ACER3: variants seen among roughly 807,000 people sequenced by gnomAD.
ACER3 encodes the protein alkaline ceramidase 3, also known as alkCDase 3.
A neutral mutation model predicts 48.9 loss-of-function variants in ACER3; 16 were observed. The observed-to-expected ratio is 0.33, with a 90% CI of 0.22 to 0.50. The LOEUF (loss-of-function observed/expected upper bound fraction) is 0.50. Among genes scored for constraint, ACER3 ranks in the 20% least tolerant of loss-of-function variants. ACER3 has a pLI of 0.98. For missense variants in ACER3, 227 were observed against 326.0 expected, an observed-to-expected ratio of 0.70 and a Z score of 2.34; for synonymous variants, 109 against 107.8, an observed-to-expected ratio of 1.01 and a Z score of -0.07.
At chr11:76,940,016 A>G (rs1210088798) in intron 2 of ACER3, among the ~76,000 whole-genome samples, 1 of 152,244 alleles carries the variant, frequency 6.6e-6, no homozygotes, top group Non-Finnish European at 1.5e-5. Context: ...TAATATGATC[A>G]TGTAAGAGAA....
At chr11:76,946,612 C>G (rs1219914019) in intron 2 of ACER3, among the ~76,000 whole-genome samples, 5 of 152,134 alleles carry the variant, frequency 3.3e-5, no homozygotes, top group African/African-American at 1.2e-4. Flanking sequence ...GAGTGTGGTC[C>G]ACCTGCATCT....
At chr11:76,968,684 A>G (rs1231708264) in intron 3 of ACER3, among the ~76,000 whole-genome samples, 1 of 152,182 alleles carries the variant, frequency 6.6e-6, no homozygotes, top group Non-Finnish European at 1.5e-5. Flanking sequence ...GAAAAACAAG[A>G]AATGGGGAAA....
At chr11:76,986,604 T>G (rs1388261613) in intron 5 of ACER3, among the ~76,000 whole-genome samples, 3 of 152,222 alleles carry the variant, frequency 2.0e-5, no homozygotes, top group African/African-American at 7.2e-5. Context: ...GTACTTTACC[T>G]TCATTGTCTC....
rs900429367 is a variant in ACER3 at position 77,026,472 on chromosome 11, A to G, written c.*6145A>G. On this transcript the variant is annotated 3_prime_UTR_variant, in exon 11 of 11. Coordinates refer to ENST00000532485, the MANE Select transcript of ACER3 (RefSeq NM_018367.7). ...CCTTTCCATACTTGTAATATTTCTG[A>G]GTCACTTATTAATGTGACCAACAGA... is the stretch of plus-strand genomic sequence containing the variant. The G allele has an allele frequency of 2.0e-5, 3 of 152,196 alleles. No individual in the cohort carries two copies. Among genetic ancestry groups the G allele is most frequent in the African/African-American group, 7.2e-5 (3 of 41,452 alleles). The allele number at this position is 152,196 out of a possible 1,614,324, so 9.4% of individuals were successfully genotyped here.
chr11:76,874,625 T>A (rs1945323764), intron 1 of ACER3, among the ~76,000 whole-genome samples: 1 of 152,196 alleles, frequency 6.6e-6, no homozygotes, highest in Non-Finnish European at 1.5e-5. Flanking sequence ...AATGGCCTCA[T>A]CCAATCATTT....
chr11:76,909,082 A>T (rs966616088), intron 1 of ACER3, among the ~76,000 whole-genome samples: 3 of 152,232 alleles, frequency 2.0e-5, no homozygotes, highest in African/African-American at 7.2e-5. Flanking sequence ...CAGAAAACTG[A>T]AACTGGACCC....
intron 3 of ACER3, among the ~76,000 whole-genome samples, chr11:76,964,933 A>G (rs1948098933): frequency 6.6e-6 from 1 of 151,370 alleles, no homozygotes; most frequent in Non-Finnish European, 1.5e-5. Context: ...GCAGCTCCTC[A>G]CCAGCAATGG....
chr11:76,864,293 A>G (rs1296093634), intron 1 of ACER3, among the ~76,000 whole-genome samples: 1 of 152,238 alleles, frequency 6.6e-6, no homozygotes, highest in Non-Finnish European at 1.5e-5. Flanking sequence ...CTTGCTTTGC[A>G]TCATAGTGTG....
At chr11:76,876,922 A>G (rs1945397783) in intron 1 of ACER3, among the ~76,000 whole-genome samples, 1 of 152,118 alleles carries the variant, frequency 6.6e-6, no homozygotes, top group Non-Finnish European at 1.5e-5. Context: ...AAAATCATGA[A>G]GTTTGTGATG....
chr11:76,975,874 C>CTTTTTT lies in ACER3; in HGVS notation c.268-397_268-392dup, dbSNP rs34786738. 1.8e-3 allele frequency among the ~76,000 whole-genome samples: 146 copies of CTTTTTT among 82,700 alleles called. 1 individual carries two copies. The highest frequency in any genetic ancestry group is 5.7e-3 in the African/African-American group (128 of 22,400). 54.3% of individuals were successfully genotyped at this position (82,700 alleles called of 152,430 possible). A position where few individuals can be genotyped will look rare whatever the true frequency, so the allele number is the denominator to read the frequency against. ...AAGAGCTGAAACCTTTTTTTCTTTT[C>CTTTTTT]TTTTTTTTTTTTTTTTTTTTTTTGA... is the stretch of plus-strand genomic sequence containing the variant. On this transcript the variant is annotated intron_variant, in intron 3 of 10. Transcript: ENST00000532485.
At chr11:76,994,121 T>C (rs1948862522) in intron 6 of ACER3, 1 of 441,414 alleles carries the variant, frequency 2.3e-6, no homozygotes, top group African/African-American at 2.2e-5. Flanking sequence ...AACTATATTG[T>C]AGGGATTAAA....
rs561047021 is a variant in ACER3 at position 76,994,319 on chromosome 11, G to A, written c.438+3745G>A. On this transcript the variant is annotated intron_variant, in intron 6 of 10. Transcript: ENST00000532485. ...TAATTTTTGTATTTTTAGTAGAAACGGGGTATCGCCATGTTGGCCAGGCTG... is the reference window on the plus strand; with the variant it reads ...TAATTTTTGTATTTTTAGTAGAAACAGGGTATCGCCATGTTGGCCAGGCTG... 2.3e-3 allele frequency: 846 copies of A among 373,784 alleles called. 13 individuals carry two copies. The highest frequency in any genetic ancestry group is 0.016 in the South Asian group (819 of 50,100). 23.2% of individuals were successfully genotyped at this position (373,784 alleles called of 1,614,324 possible).
intron 3 of ACER3, among the ~76,000 whole-genome samples, chr11:76,961,022 A>G (rs1194557353): frequency 6.6e-6 from 1 of 152,108 alleles, no homozygotes; most frequent in Non-Finnish European, 1.5e-5. Context: ...CAGAGTCGAG[A>G]GGCTGTCTAA....
At chr11:77,016,110 G>GAAA (rs140924381) in intron 8 of ACER3, among the ~76,000 whole-genome samples, 15 of 126,358 alleles carry the variant, frequency 1.2e-4, no homozygotes, top group African/African-American at 3.5e-4. Context: ...CCGTCTCAGG[G>GAAA]AAAAAAAAAA....
chr11:76,889,338 TA>T (rs1226800203), intron 1 of ACER3, among the ~76,000 whole-genome samples: 7 of 152,336 alleles, frequency 4.6e-5, no homozygotes, highest in Non-Finnish European at 1.0e-4. Context: ...GCAGTGCATT[TA>T]AAAATATTAT....
At position 77,025,392 on chromosome 11, in the gene ACER3, T is replaced by TTATATATATATATATATATATA. The variant is rs149589077; in HGVS notation, c.*5084_*5085insATATATATATATATATATATAT. 3 of 135,842 alleles carry TTATATATATATATATATATATA rather than the reference T, an allele frequency of 2.2e-5. No individual in the cohort carries two copies. Among genetic ancestry groups the TTATATATATATATATATATATA allele is most frequent in the African/African-American group, 9.3e-5 (3 of 32,246 alleles). 8.4% of individuals were successfully genotyped at this position (135,842 alleles called of 1,614,324 possible). A position where few individuals can be genotyped will look rare whatever the true frequency, so the allele number is the denominator to read the frequency against. ...TGGTTATTTTATTTTATTTTATTCT[T>TTATATATATATATATATATATA]TATATATATATATATATATTTATTT... On this transcript the variant is annotated 3_prime_UTR_variant, in exon 11 of 11. Transcript: ENST00000532485.
At chr11:76,959,609 G>A (rs1947932660) in intron 3 of ACER3, among the ~76,000 whole-genome samples, 1 of 151,880 alleles carries the variant, frequency 6.6e-6, no homozygotes, top group East Asian at 1.9e-4. Flanking sequence ...CTGGAGTGCA[G>A]TGGTGCAATC....
chr11:76,983,083 A>AT (rs1420619883), intron 4 of ACER3, among the ~76,000 whole-genome samples: 2 of 152,148 alleles, frequency 1.3e-5, no homozygotes, highest in South Asian at 2.1e-4. Context: ...TTCCACATAA[A>AT]TTTTAGAGTC....
At chr11:76,872,309 C>T (rs1407514781) in intron 1 of ACER3, among the ~76,000 whole-genome samples, 1 of 152,124 alleles carries the variant, frequency 6.6e-6, no homozygotes. Context: ...CTCCGGACCT[C>T]AGGTGATCTG....
Sources: gnomAD v4.1 joint callset for allele counts (sites outside exome capture counted in the v4.1 genomes callset) on GRCh38, gnomAD v4.1.1 for gene constraint, MANE v1.5 for transcripts, NCBI Gene and HGNC (gene_info 2026-07-23, HGNC 2026-07-21) for gene names.